The following C4BPA variants were observed in gnomAD, a reference collection of about 807,000 sequenced individuals.
The protein encoded by C4BPA is C4b-binding protein alpha chain.
In C4BPA, 31 loss-of-function variants were observed where a neutral mutation model predicts 63.7. The ratio of observed to expected loss-of-function variants is 0.49; its 90% CI spans 0.37 to 0.66. The LOEUF is 0.66. Ranked by LOEUF, C4BPA falls within the 30% of genes least tolerant of loss-of-function variation. C4BPA has a pLI of 0.00. For missense variants in C4BPA, 572 were observed against 723.3 expected, an observed-to-expected ratio of 0.79 and a Z score of 2.40; for synonymous variants, 259 against 254.7, an observed-to-expected ratio of 1.02 and a Z score of -0.16.
chr1:207,104,778 G>T (rs1420874360), intron 1 of C4BPA, among the ~76,000 whole-genome samples: 1 of 152,188 alleles, frequency 6.6e-6, no homozygotes, highest in South Asian at 2.1e-4. Context: ...GTTGAGGCAA[G>T]GGGTCAATCA....
chr1:207,122,791 C>G lies in C4BPA; in HGVS notation c.429-1131C>G, dbSNP rs529894727. Among the ~76,000 whole-genome samples the G allele has an allele frequency of 2.0e-5, 3 of 152,252 alleles. No individual in the cohort carries two copies. The South Asian group carries it at 6.2e-4, about 32-fold the overall frequency. ...GTTTTGTCATATTGGCCAGGCTGGTCTTGAACTCCTGGTCTCAAAGAATTC... is the reference window on the plus strand; with the variant it reads ...GTTTTGTCATATTGGCCAGGCTGGTGTTGAACTCCTGGTCTCAAAGAATTC... On this transcript the variant is annotated intron_variant, in intron 4 of 11. Coordinates refer to ENST00000367070, the MANE Select transcript of C4BPA (RefSeq NM_000715.4).
chr1:207,118,220 T>TATCTATCTATC (rs1684851237), intron 4 of C4BPA, among the ~76,000 whole-genome samples: 1 of 150,016 alleles, frequency 6.7e-6, no homozygotes, highest in Non-Finnish European at 1.5e-5. Flanking sequence ...TCTGTCTATC[T>TATCTATCTATC]ATCTATCTAT....
intron 10 of C4BPA, among the ~76,000 whole-genome samples, chr1:207,142,496 C>A (rs1027661138): frequency 6.6e-5 from 10 of 152,146 alleles, no homozygotes; most frequent in African/African-American, 2.4e-4. Context: ...AATTGCCACA[C>A]TGTTTTCCAC....
chr1:207,126,174 G>A (rs559789460), intron 6 of C4BPA, among the ~76,000 whole-genome samples: 2 of 151,482 alleles, frequency 1.3e-5, no homozygotes, highest in African/African-American at 4.9e-5. Flanking sequence ...CAGTCATCTC[G>A]AAGAAGGACC....
At chr1:207,114,485 CTTTTT>C (rs34895847) in intron 3 of C4BPA, among the ~76,000 whole-genome samples, 200 bp downstream of exon 3, 1 of 59,548 alleles carries the variant, frequency 1.7e-5, no homozygotes, top group Non-Finnish European at 3.2e-5. Flanking sequence ...TAACTCTGTT[CTTTTT>C]TTTTTTTTTT....
chr1:207,133,775 T>A (rs1489674734), intron 8 of C4BPA, among the ~76,000 whole-genome samples: 2 of 152,192 alleles, frequency 1.3e-5, no homozygotes, highest in Non-Finnish European at 2.9e-5. Context: ...AATGGCTATT[T>A]CTCTCAAATT....
chr1:207,123,673 T>G (rs1218795444), intron 4 of C4BPA, among the ~76,000 whole-genome samples: 1 of 152,184 alleles, frequency 6.6e-6, no homozygotes, highest in African/African-American at 2.4e-5. Context: ...GAGCTCTGGA[T>G]GAACTGCATT....
intron 4 of C4BPA, among the ~76,000 whole-genome samples, chr1:207,119,994 T>G (rs1247323517): frequency 6.6e-6 from 1 of 152,142 alleles, no homozygotes; most frequent in Non-Finnish European, 1.5e-5. Flanking sequence ...GTTATTATAG[T>G]TTTTTGTTGA....
chr1:207,116,385 T>A (rs991885304), intron 4 of C4BPA, among the ~76,000 whole-genome samples: 8 of 151,958 alleles, frequency 5.3e-5, no homozygotes, highest in African/African-American at 1.9e-4. Context: ...CCTTAACTTG[T>A]TGAACTTTTT....
chr1:207,144,387 G>A (rs368110953), intron 11 of C4BPA, among the ~76,000 whole-genome samples, 157 bp from the exon 12 acceptor site: 10 of 152,326 alleles, frequency 6.6e-5, no homozygotes, highest in African/African-American at 2.4e-4. Context: ...GGGGAAGACT[G>A]TGGTGGGACC....
chr1:207,144,411 G>T (rs1572803985), intron 11 of C4BPA, 133 bp from the exon 12 acceptor site: 1 of 700,204 alleles, frequency 1.4e-6, no homozygotes, highest in Non-Finnish European at 2.3e-6. Context: ...GTGATTTCTT[G>T]TTTTCCCAGC....
chr1:207,116,709 C>T (rs73079112), intron 4 of C4BPA, among the ~76,000 whole-genome samples: 7,985 of 151,834 alleles, frequency 0.053, 694 homozygotes, highest in African/African-American at 0.18. Context: ...TAAAAAAAAT[C>T]GCCTATATTT....
At chr1:207,118,151 CTGTCTGTCTG>C in intron 4 of C4BPA, among the ~76,000 whole-genome samples, 1 of 93,392 alleles carries the variant, frequency 1.1e-5, no homozygotes, top group Non-Finnish European at 2.7e-5. Context: ...GTCTGTCTGT[CTGTCTGTCTG>C]TCTGTCTATC....
At chr1:207,128,187 T>C (rs914218683) in intron 7 of C4BPA, among the ~76,000 whole-genome samples, 5 of 152,186 alleles carry the variant, frequency 3.3e-5, no homozygotes, top group African/African-American at 1.2e-4. Flanking sequence ...AGAACTATTA[T>C]GGGTAGGTTG....
At chr1:207,113,688 A>G (rs183011901) in intron 2 of C4BPA, among the ~76,000 whole-genome samples, 4 of 152,192 alleles carry the variant, frequency 2.6e-5, no homozygotes, top group African/African-American at 9.6e-5. Context: ...CCAAAGTTAT[A>G]TAATGTTATT....
chr1:207,121,007 T>G (rs1684910918), intron 4 of C4BPA, among the ~76,000 whole-genome samples: 1 of 152,176 alleles, frequency 6.6e-6, no homozygotes. Flanking sequence ...GAGGTCTTGT[T>G]ATGTTGCTCA....
chr1:207,126,610 A>G, intron 6 of C4BPA, 103 bp from the exon 7 acceptor site: 1 of 768,590 alleles, frequency 1.3e-6, no homozygotes, highest in Non-Finnish European at 2.1e-6. Context: ...TGCACATTCA[A>G]CAGGCATTTG....
In C4BPA at chr1:207,126,838, G is replaced by A. The variant is rs1685054849; in HGVS notation, c.832G>A (p.Val278Ile). The A allele has an allele frequency of 1.9e-6, 3 of 1,613,298 alleles. No individual in the cohort carries two copies. Among genetic ancestry groups the A allele is most frequent in the African/African-American group, 1.3e-5 (1 of 74,882 alleles). ...AGGTTTTGTTCTCAGAGGCAGCAGT[G>A]TAATTCATTGTGATGCTGATAGCAA... The part of the protein sequence containing the change: ...QKGFVLRGSS[V>I]IHCDADSKWN... The change falls in exon 7 of 12, where the codon GTA becomes ATA. Residue 278 changes from valine to isoleucine, a missense_variant. Val to Ile is a conservative substitution (Grantham distance 29). Around this residue, in one of 2 missense-constraint regions of C4BPA, gnomAD observed 465 missense variants for 629.4 expected, o/e 0.74. Transcript: ENST00000367070.
At chr1:207,116,514 A>ATGTGTG (rs1331801553) in intron 4 of C4BPA, among the ~76,000 whole-genome samples, 3 of 33,776 alleles carry the variant, frequency 8.9e-5, no homozygotes, top group Non-Finnish European at 2.1e-4. Context: ...GTGTGTGTGT[A>ATGTGTG]TATGTGTGTG....
Sources: allele counts gnomAD v4.1 joint callset (sites outside exome capture counted in the v4.1 genomes callset), GRCh38; gene constraint gnomAD v4.1.1; regional missense constraint gnomAD v4.1.1; transcripts MANE v1.5; gene names NCBI Gene and HGNC (gene_info 2026-07-23, HGNC 2026-07-21).